The following IFT46 variants were observed in gnomAD, a reference collection of about 807,000 sequenced individuals.
IFT46 encodes intraflagellar transport protein 46 homolog.
IFT46 carries 19 observed loss-of-function variants against 39.6 expected under a neutral mutation model. The observed-to-expected ratio is 0.48, with a 90% CI of 0.33 to 0.70. IFT46 has a LOEUF of 0.70. Ranked by LOEUF, IFT46 falls within the 30% of genes least tolerant of loss-of-function variation. IFT46 has a pLI of 0.01. For synonymous variants in IFT46, 117 were observed against 134.8 expected, an observed-to-expected ratio of 0.87 and a Z score of 0.91; for missense variants, 334 against 364.8, an observed-to-expected ratio of 0.92 and a Z score of 0.69.
In IFT46 at chr11:118,544,947, G is replaced by A; in HGVS notation, c.884C>T (p.Ala295Val). The A allele has an allele frequency of 6.2e-7, 1 of 1,613,704 alleles. No homozygotes were observed. The highest frequency in any genetic ancestry group is 1.1e-5 in the South Asian group (1 of 90,992). ...FTPSSNSTSQ[A>V]GDMETLTFS The stretch of plus-strand genomic sequence containing the variant: ...GAAGGTTAATGTCTCCATGTCTCCA[G>A]CTTGGGAGGTGGAATTGGATGAAGG... Residue 295 changes from alanine (A) to valine (V), a missense_variant, in exon 12 of 12, where the codon GCT becomes GTT. Coordinates refer to ENST00000264021, the MANE Select transcript of IFT46 (RefSeq NM_001168618.2).
At chr11:118,561,330 A>G in intron 2 of IFT46, 6 of 996,988 alleles carry the variant, frequency 6.0e-6, no homozygotes, top group Non-Finnish European at 9.6e-6. Context: ...ACAGAAGAAG[A>G]TGAAGATGCT....
chr11:118,555,722 G>C (rs1416895591), intron 4 of IFT46: 2 of 178,320 alleles, frequency 1.1e-5, no homozygotes, highest in African/African-American at 4.8e-5. Flanking sequence ...AGGAGTTCAA[G>C]ACCAGCCTGG....
In IFT46 at chr11:118,557,014, T is replaced by C; in HGVS notation, c.77A>G (p.Gln26Arg). The change falls in exon 4 of 12, where the codon CAA becomes CGA. Residue 26 changes from glutamine (Q) to arginine (R), a missense_variant. Transcript: ENST00000264021. ...EKKKTSQLTP[Q>R]RGFSENEDDD... ...ATCCTCATTTTCACTAAAGCCCCGTTGAGGTGTCAACTGTGAGGTCTTCTT... is the reference window on the plus strand; with the variant it reads ...ATCCTCATTTTCACTAAAGCCCCGTCGAGGTGTCAACTGTGAGGTCTTCTT... 1 of 1,611,810 alleles carries C rather than the reference T, an allele frequency of 6.2e-7. No homozygotes were observed. The highest frequency in any genetic ancestry group is 8.5e-7 in the Non-Finnish European group (1 of 1,178,878).
intron 9 of IFT46, chr11:118,546,215 G>A (rs782133170): frequency 4.2e-6 from 3 of 715,672 alleles, no homozygotes; most frequent in Non-Finnish European, 7.8e-6. Context: ...AATCAATCTT[G>A]GTGGGGCGTG....
In IFT46 at chr11:118,552,550, T is replaced by C. The variant is rs578225760; in HGVS notation, c.484-215A>G. On this transcript the variant is annotated intron_variant, in intron 7 of 11. Coordinates refer to ENST00000264021, the MANE Select transcript of IFT46 (RefSeq NM_001168618.2). ...GGTCACACTTGTAATCCTAGCACTTTGGCAGTCTGAGGTGGGAGGATCAGT... is the reference window on the plus strand; with the variant it reads ...GGTCACACTTGTAATCCTAGCACTTCGGCAGTCTGAGGTGGGAGGATCAGT... 1.6e-3 allele frequency among the ~76,000 whole-genome samples: 245 copies of C among 152,280 alleles called. 1 individual carries two copies. Among genetic ancestry groups the C allele is most frequent in the African/African-American group, 5.8e-3 (242 of 41,536 alleles).
intron 9 of IFT46, among the ~76,000 whole-genome samples, chr11:118,549,526 CT>C (rs201176415): frequency 0.031 from 4,313 of 137,640 alleles, 119 homozygotes; most frequent in African/African-American, 0.089. Flanking sequence ...TCCATTATGA[CT>C]TTTTTTTTTT....
upstream of IFT46, among the ~76,000 whole-genome samples, chr11:118,575,776 A>T (rs1385291670): frequency 6.6e-6 from 1 of 152,100 alleles, no homozygotes; most frequent in Non-Finnish European, 1.5e-5. Context: ...ACTTTTTTTG[A>T]GAGAGAGTTG....
intron 7 of IFT46, among the ~76,000 whole-genome samples, chr11:118,552,960 C>T (rs1555068787): frequency 6.6e-6 from 1 of 151,348 alleles, no homozygotes; most frequent in South Asian, 2.1e-4. Context: ...TGGCACACAC[C>T]TGTGGTCTGT....
In IFT46 at chr11:118,545,836, T is replaced by G; in HGVS notation, c.690A>C (p.Ala230=). The G allele has an allele frequency of 6.2e-7, 1 of 1,614,084 alleles. No individual in the cohort carries two copies. ...ACTCTGCCAGGCTGCAATCAATCTC[T>G]GCCGTGGGCAGGCTTACCTGGAAGG... ...ELLGKVSLPT[A]EIDCSLAEYI... The change falls in exon 10 of 12, where the codon GCA becomes GCC. Residue 230 remains alanine, a synonymous_variant. Coordinates refer to ENST00000264021, the MANE Select transcript of IFT46 (RefSeq NM_001168618.2).
chr11:118,573,562 G>A (rs1938407940), upstream of IFT46: 13 of 620,200 alleles, frequency 2.1e-5, no homozygotes, highest in South Asian at 2.1e-4. Flanking sequence ...TGCACCTTAT[G>A]TCCTTTAGTC....
upstream of IFT46, among the ~76,000 whole-genome samples, chr11:118,576,426 T>TAAAAAAAAAAAAAAA (rs10671866): frequency 3.7e-5 from 4 of 108,768 alleles, no homozygotes; most frequent in East Asian, 2.9e-4. Flanking sequence ...CCAAAAATGT[T>TAAAAAAAAAAAAAAA]AAAAAAAAAA....
At chr11:118,571,498 A>G (rs1938334793) in intron 1 of IFT46, among the ~76,000 whole-genome samples, 1 of 152,224 alleles carries the variant, frequency 6.6e-6, no homozygotes, top group Non-Finnish European at 1.5e-5. Context: ...TTTTTGAGGA[A>G]CTGCCAAACT....
rs1951636219 is a variant in IFT46, at chr11:118,544,843, T to C, written c.*73A>G. The C allele has an allele frequency of 3.6e-5, 39 of 1,073,358 alleles. No homozygotes were observed. The South Asian group carries it at 5.0e-4, about 14-fold the overall frequency. 66.5% of individuals were successfully genotyped at this position (1,073,358 alleles called of 1,614,324 possible). The stretch of plus-strand genomic sequence containing the variant: ...GGCATGGGCAAGGACATCAAGTAGC[T>C]GACAACGATCTGTCCATCTCAGCTG... On this transcript the variant is annotated 3_prime_UTR_variant, in exon 12 of 12. Coordinates refer to ENST00000264021, the MANE Select transcript of IFT46 (RefSeq NM_001168618.2).
intron 3 of IFT46, 64 bp downstream of exon 3, chr11:118,559,721 G>T: frequency 8.0e-7 from 1 of 1,251,428 alleles, no homozygotes. Context: ...TTGAACTGGT[G>T]TCATCTCTAA....
intron 3 of IFT46, chr11:118,557,340 A>C (rs1170067763): frequency 2.4e-6 from 1 of 410,094 alleles, no homozygotes; most frequent in Non-Finnish European, 4.3e-6. Context: ...TGTACACTTT[A>C]GACAGCTTCG....
At chr11:118,563,445 C>T (rs1555070901) in intron 2 of IFT46, among the ~76,000 whole-genome samples, 1 of 152,062 alleles carries the variant, frequency 6.6e-6, no homozygotes, top group Admixed American at 6.6e-5. Flanking sequence ...TATATTTTAC[C>T]ACAATAAACA....
intron 3 of IFT46, chr11:118,557,441 T>C (rs60820410): frequency 7.7e-4 from 310 of 400,372 alleles, no homozygotes; most frequent in African/African-American, 5.5e-3. Context: ...AATAGAAATT[T>C]TAGGGGTCTT....
intron 7 of IFT46, among the ~76,000 whole-genome samples, chr11:118,552,586 A>G (rs1219855063): frequency 6.6e-6 from 1 of 152,012 alleles, no homozygotes; most frequent in Non-Finnish European, 1.5e-5. Flanking sequence ...TGAGGCTAGG[A>G]GTTCAAGACC....
intron 3 of IFT46, among the ~76,000 whole-genome samples, chr11:118,558,844 A>G (rs1223595197): frequency 1.3e-5 from 2 of 150,742 alleles, no homozygotes; most frequent in East Asian, 3.9e-4. Context: ...CTTGAACCCA[A>G]GAGGCAGAGG....
Sources: gnomAD v4.1 joint callset for allele counts (sites outside exome capture counted in the v4.1 genomes callset) on GRCh38, gnomAD v4.1.1 for gene constraint, MANE v1.5 for transcripts, NCBI Gene and HGNC (gene_info 2026-07-23, HGNC 2026-07-21) for gene names.